Variants in LRRC4C observed in about 807,000 individuals in gnomAD.
LRRC4C encodes leucine rich repeat containing 4C, also known as leucine-rich repeat-containing protein 4C.
A neutral mutation model predicts 33.6 loss-of-function variants in LRRC4C; 5 were observed. That is an observed-to-expected ratio of 0.15 (90% CI 0.08 to 0.31). The LOEUF is 0.31. Ranked by LOEUF, LRRC4C falls within the 10% of genes least tolerant of loss-of-function variation. The pLI is 1.00. For synonymous variants in LRRC4C, 329 were observed against 302.0 expected (o/e 1.09, Z -0.93); for missense variants, 560 against 796.7 (o/e 0.70, Z 3.58).
intron 1 of LRRC4C, among the ~76,000 whole-genome samples, chr11:41,293,782 G>T (rs1406924283): frequency 6.6e-6 from 1 of 151,922 alleles, no homozygotes; most frequent in East Asian, 1.9e-4. Flanking sequence ...ATTTTTAACA[G>T]AGACAGGTTT....
chr11:41,438,346 T>A (rs1955508187), intron 1 of LRRC4C, among the ~76,000 whole-genome samples: 1 of 152,130 alleles, frequency 6.6e-6, no homozygotes, highest in African/African-American at 2.4e-5. Context: ...TCTAATGATG[T>A]AGACTTACCA....
chr11:40,764,026 T>G (rs988553404), intron 2 of LRRC4C, among the ~76,000 whole-genome samples: 4 of 152,156 alleles, frequency 2.6e-5, no homozygotes, highest in African/African-American at 9.7e-5. Context: ...CCCCAGGTAT[T>G]GCAGCTTGCA....
intron 1 of LRRC4C, among the ~76,000 whole-genome samples, chr11:41,210,250 A>G (rs1025290149): frequency 6.6e-6 from 1 of 152,124 alleles, no homozygotes; most frequent in African/African-American, 2.4e-5. Context: ...TCTCATCTTG[A>G]ATTGTAGCTC....
intron 2 of LRRC4C, among the ~76,000 whole-genome samples, chr11:40,921,534 T>G (rs1450679687): frequency 6.6e-6 from 1 of 152,148 alleles, no homozygotes; most frequent in Admixed American, 6.5e-5. Flanking sequence ...CCTCTTGACA[T>G]CTTCAGTTTA....
intron 2 of LRRC4C, among the ~76,000 whole-genome samples, chr11:40,902,365 C>A (rs529375601): frequency 6.6e-6 from 1 of 152,186 alleles, no homozygotes; most frequent in South Asian, 2.1e-4. Flanking sequence ...CAATGATGGG[C>A]TGTTCTCTCA....
rs796348610 is a variant in LRRC4C, at chr11:40,633,643, G to T, written c.-270+14499C>A. 6.6e-5 allele frequency among the ~76,000 whole-genome samples: 10 copies of T among 152,016 alleles called. No homozygotes were observed. In the South Asian group the frequency reaches 2.1e-3, roughly 32 times the overall value. On this transcript the variant is annotated intron_variant, in intron 3 of 6. Transcript: ENST00000528697. ...ACCTCAGGTGATCCCATCCACCTTG[G>T]CCTCCCAAAGTGCTGGGATTACAGA...
At chr11:41,319,738 A>G (rs1950900857) in intron 1 of LRRC4C, among the ~76,000 whole-genome samples, 1 of 152,024 alleles carries the variant, frequency 6.6e-6, no homozygotes, top group African/African-American at 2.4e-5. Flanking sequence ...TTTTGTAAAG[A>G]TGGGGTCTTC....
At position 40,533,754 on chromosome 11, in the gene LRRC4C, C is replaced by T. The variant is rs925647888; in HGVS notation, c.-270+114388G>A. On this transcript the variant is annotated intron_variant, in intron 3 of 6. Coordinates refer to ENST00000528697, the MANE Select transcript of LRRC4C (RefSeq NM_001258419.2). ...GATACTCTAACCATAATCACAGAAC[C>T]TAGCCTTTTGATAGGTTCCTGATTG... Among the ~76,000 whole-genome samples, 6 of 152,200 alleles carry T rather than the reference C, an allele frequency of 3.9e-5. 1 individual carries two copies. Among genetic ancestry groups the T allele is most frequent in the African/African-American group, 1.4e-4 (6 of 41,556 alleles).
intron 1 of LRRC4C, among the ~76,000 whole-genome samples, chr11:41,348,918 G>T (rs999208110): frequency 6.6e-6 from 1 of 152,188 alleles, no homozygotes; most frequent in Admixed American, 6.5e-5. Flanking sequence ...TCCAGTCTGC[G>T]TGGAGCCCAG....
chr11:40,678,951 C>A (rs1338114520), intron 2 of LRRC4C, among the ~76,000 whole-genome samples: 1 of 152,120 alleles, frequency 6.6e-6, no homozygotes, highest in Non-Finnish European at 1.5e-5. Flanking sequence ...GTTTGGAGGG[C>A]TCAGAAGACA....
intron 2 of LRRC4C, among the ~76,000 whole-genome samples, chr11:40,809,093 T>C (rs1565087420): frequency 6.6e-6 from 1 of 152,138 alleles, no homozygotes. Flanking sequence ...TTGAAAAAAA[T>C]CCCTCTCCAG....
intron 1 of LRRC4C, among the ~76,000 whole-genome samples, chr11:41,316,034 T>C (rs1950775899): frequency 6.6e-6 from 1 of 152,146 alleles, no homozygotes; most frequent in South Asian, 2.1e-4. Flanking sequence ...ATGGGACCTG[T>C]GTATATATAC....
At chr11:41,206,162 A>C (rs1946594090) in intron 1 of LRRC4C, among the ~76,000 whole-genome samples, 1 of 152,222 alleles carries the variant, frequency 6.6e-6, no homozygotes, top group Admixed American at 6.5e-5. Flanking sequence ...ACATTTCTAA[A>C]AGAAAGTGAA....
chr11:41,169,639 C>A (rs1276350360), intron 1 of LRRC4C, among the ~76,000 whole-genome samples: 1 of 152,132 alleles, frequency 6.6e-6, no homozygotes, highest in Non-Finnish European at 1.5e-5. Context: ...AATCTTTTGG[C>A]ATGATCTTTT....
chr11:40,393,505 GA>G (rs2137471447), intron 3 of LRRC4C, among the ~76,000 whole-genome samples: 1 of 152,132 alleles, frequency 6.6e-6, no homozygotes, highest in South Asian at 2.1e-4. Context: ...CAACTTAATA[GA>G]CAGGGTCTAA....
chr11:40,152,393 A>G (rs1049403758), intron 5 of LRRC4C, among the ~76,000 whole-genome samples: 9 of 152,158 alleles, frequency 5.9e-5, no homozygotes, highest in Admixed American at 2.0e-4. Context: ...GGGAGAAGGA[A>G]TTCCCTAGAT....
chr11:40,651,213 G>C (rs903859072), intron 2 of LRRC4C, among the ~76,000 whole-genome samples: 5 of 152,148 alleles, frequency 3.3e-5, no homozygotes, highest in African/African-American at 9.7e-5. Flanking sequence ...GTTTTGATCA[G>C]TGTCATTCTG....
intron 3 of LRRC4C, among the ~76,000 whole-genome samples, chr11:40,518,934 G>A (rs1441861444): frequency 6.6e-6 from 1 of 152,170 alleles, no homozygotes; most frequent in Non-Finnish European, 1.5e-5. Flanking sequence ...ATGAGGTAAT[G>A]TCCTTTGCAG....
chr11:41,327,386 G>A (rs1951154870), intron 1 of LRRC4C, among the ~76,000 whole-genome samples: 1 of 152,090 alleles, frequency 6.6e-6, no homozygotes, highest in African/African-American at 2.4e-5. Context: ...CCTTTGATAT[G>A]TTAGTGTACC....
Sources: gnomAD v4.1 joint callset for allele counts (sites outside exome capture counted in the v4.1 genomes callset) on GRCh38, gnomAD v4.1.1 for gene constraint, MANE v1.5 for transcripts, NCBI Gene and HGNC (gene_info 2026-07-23, HGNC 2026-07-21) for gene names.